DCC: variants seen among roughly 807,000 people sequenced by gnomAD.
DCC encodes the protein netrin receptor DCC.
A neutral mutation model predicts 172.5 loss-of-function variants in DCC; 58 were observed. The observed-to-expected ratio is 0.34, with a 90% CI of 0.27 to 0.42. The LOEUF (loss-of-function observed/expected upper bound fraction) is 0.42, where lower values mean the gene tolerates loss of function less well. DCC is among the 10% of genes least tolerant of loss of function. The pLI, the probability that DCC is intolerant of heterozygous loss-of-function variation, is 1.00. For synonymous variants in DCC, 709 were observed against 644.5 expected, an observed-to-expected ratio of 1.10 and a Z score of -1.52; for missense variants, 1,740 against 1,791.0, an observed-to-expected ratio of 0.97 and a Z score of 0.51.
At chr18:53,219,835 G>A (rs981582796) in intron 12 of DCC, among the ~76,000 whole-genome samples, 1 of 152,126 alleles carries the variant, frequency 6.6e-6, no homozygotes, top group African/African-American at 2.4e-5. Flanking sequence ...TAGGAGAACA[G>A]CAAGTTTCTA....
intron 2 of DCC, among the ~76,000 whole-genome samples, chr18:52,753,119 A>G (rs532109179): frequency 6.6e-6 from 1 of 152,192 alleles, no homozygotes; most frequent in Admixed American, 6.5e-5. Flanking sequence ...CCCTCATTTC[A>G]ATTCCTTTGG....
intron 9 of DCC, among the ~76,000 whole-genome samples, chr18:53,200,796 A>G (rs997225581): frequency 6.6e-6 from 1 of 152,100 alleles, no homozygotes; most frequent in Non-Finnish European, 1.5e-5. Context: ...GCTCCAGACC[A>G]TACACAGCCC....
At chr18:52,958,954 G>T (rs1236759986) in intron 5 of DCC, among the ~76,000 whole-genome samples, 2 of 152,018 alleles carry the variant, frequency 1.3e-5, no homozygotes, top group Admixed American at 6.6e-5. Flanking sequence ...ATTTATAAAC[G>T]TTCTTAAAAC....
chr18:52,427,321 C>G (rs145952171), intron 1 of DCC, among the ~76,000 whole-genome samples: 26 of 152,074 alleles, frequency 1.7e-4, no homozygotes, highest in African/African-American at 5.1e-4. Context: ...TGCACTACAT[C>G]CAGGGTTATT....
intron 7 of DCC, among the ~76,000 whole-genome samples, chr18:53,111,866 T>C (rs563694842): frequency 9.1e-4 from 138 of 151,850 alleles, no homozygotes; most frequent in Non-Finnish European, 1.6e-3. Context: ...TTAGTTGTTT[T>C]GCAATTTGCA....
intron 2 of DCC, among the ~76,000 whole-genome samples, chr18:52,854,915 G>A (rs887231342): frequency 1.3e-5 from 2 of 152,198 alleles, no homozygotes; most frequent in African/African-American, 4.8e-5. Context: ...GGCCCCCACA[G>A]GAATGAGAGC....
chr18:53,400,098 T>A (rs1049578491), intron 18 of DCC, among the ~76,000 whole-genome samples: 9 of 152,158 alleles, frequency 5.9e-5, no homozygotes, highest in African/African-American at 2.2e-4. Context: ...AGCATTTTTT[T>A]AAATTCCTGA....
At chr18:53,263,254 C>T (rs111333791) in intron 12 of DCC, among the ~76,000 whole-genome samples, 5,358 of 152,170 alleles carry the variant, frequency 0.035, 320 homozygotes, top group African/African-American at 0.12. Flanking sequence ...GGGGTTCAAG[C>T]GATTCTCCTG....
intron 1 of DCC, among the ~76,000 whole-genome samples, chr18:52,684,328 G>T (rs750332262): frequency 1.3e-5 from 2 of 151,786 alleles, no homozygotes; most frequent in African/African-American, 2.4e-5. Flanking sequence ...AAATGTGACT[G>T]AATTTTTCCC....
chr18:53,108,790 C>T (rs2043287352), intron 7 of DCC, among the ~76,000 whole-genome samples: 1 of 151,540 alleles, frequency 6.6e-6, no homozygotes, highest in Non-Finnish European at 1.5e-5. Flanking sequence ...TTGAGTGTTT[C>T]ATGGTATCAG....
At chr18:52,622,670 G>A (rs967326674) in intron 1 of DCC, among the ~76,000 whole-genome samples, 5 of 152,066 alleles carry the variant, frequency 3.3e-5, no homozygotes, top group African/African-American at 1.2e-4. Context: ...CAAGATCCCA[G>A]GTTATGCTCA....
chr18:52,965,328 A>G (rs1007868931), intron 5 of DCC, among the ~76,000 whole-genome samples: 1 of 152,184 alleles, frequency 6.6e-6, no homozygotes, highest in African/African-American at 2.4e-5. Context: ...CAGGCTAGAA[A>G]GGACATGCTT....
At chr18:52,786,394 C>T (rs2037661103) in intron 2 of DCC, among the ~76,000 whole-genome samples, 1 of 151,602 alleles carries the variant, frequency 6.6e-6, no homozygotes, top group Non-Finnish European at 1.5e-5. Context: ...ATTAGTGAGA[C>T]AAGGATTTAA....
intron 15 of DCC, among the ~76,000 whole-genome samples, chr18:53,352,567 T>C: frequency 6.6e-6 from 1 of 152,180 alleles, no homozygotes; most frequent in East Asian, 1.9e-4. Flanking sequence ...TATCATGCTA[T>C]AATGGGTACA....
chr18:52,885,632 T>C, intron 2 of DCC, among the ~76,000 whole-genome samples: 1 of 152,114 alleles, frequency 6.6e-6, no homozygotes, highest in Admixed American at 6.6e-5. Flanking sequence ...ACTCCAAGTG[T>C]CCACTTGGTG....
intron 5 of DCC, among the ~76,000 whole-genome samples, chr18:52,976,966 G>A (rs906366355): frequency 6.6e-5 from 10 of 152,030 alleles, no homozygotes; most frequent in Middle Eastern, 3.2e-3. Flanking sequence ...TAATTCATGC[G>A]ATAAATTGTT....
intron 1 of DCC, among the ~76,000 whole-genome samples, chr18:52,422,677 G>A (rs1199391308): frequency 1.3e-5 from 2 of 152,166 alleles, no homozygotes; most frequent in Non-Finnish European, 2.9e-5. Context: ...GATGTGCAAT[G>A]CAAAGACAAG....
chr18:52,811,529 C>G (rs1237019060), intron 2 of DCC, among the ~76,000 whole-genome samples: 1 of 151,956 alleles, frequency 6.6e-6, no homozygotes, highest in Non-Finnish European at 1.5e-5. Context: ...CTAAAAATCA[C>G]TAAAGAAAAC....
chr18:52,568,613 A>G (rs921732), intron 1 of DCC, among the ~76,000 whole-genome samples: 145,396 of 152,098 alleles, frequency 0.96, 69,865 homozygotes, highest in Middle Eastern at 1. Flanking sequence ...ATTTTTTTTC[A>G]TAACTTGGAC....
Sources: allele counts gnomAD v4.1 joint callset (sites outside exome capture counted in the v4.1 genomes callset), GRCh38; gene constraint gnomAD v4.1.1; transcripts MANE v1.5; gene names NCBI Gene and HGNC (gene_info 2026-07-23, HGNC 2026-07-21).